Variants in BTBD9 observed in about 807,000 individuals in gnomAD.
The protein encoded by BTBD9 is BTB/POZ domain-containing protein 9.
A neutral mutation model predicts 64.3 loss-of-function variants in BTBD9; 49 were observed. The ratio of observed to expected loss-of-function variants is 0.76; its 90% CI spans 0.61 to 0.97. The LOEUF (loss-of-function observed/expected upper bound fraction) is 0.97. Ranked by LOEUF, BTBD9 falls within the 50% of genes least tolerant of loss-of-function variation. The pLI is 0.00. For synonymous variants in BTBD9, 260 were observed against 274.7 expected (o/e 0.95, Z 0.53); for missense variants, 598 against 762.1 (o/e 0.78, Z 2.53).
chr6:38,232,396 G>C (rs1763639396), intron 9 of BTBD9, among the ~76,000 whole-genome samples: 1 of 151,886 alleles, frequency 6.6e-6, no homozygotes, highest in African/African-American at 2.4e-5. Flanking sequence ...TCAGCTTCCT[G>C]AGTAGCTGGG....
chr6:38,322,383 G>A (rs1258004178), intron 7 of BTBD9, among the ~76,000 whole-genome samples: 2 of 152,064 alleles, frequency 1.3e-5, no homozygotes, highest in African/African-American at 4.8e-5. Flanking sequence ...TGTCAGCTGT[G>A]ACTTACCTAA....
At chr6:38,547,562 T>C (rs532831783) in intron 6 of BTBD9, among the ~76,000 whole-genome samples, 3 of 152,348 alleles carry the variant, frequency 2.0e-5, no homozygotes, top group East Asian at 3.9e-4. Context: ...TCCATCCACA[T>C]TGTCCAACCT....
At chr6:38,399,095 A>G (rs1766817077) in intron 6 of BTBD9, among the ~76,000 whole-genome samples, 1 of 152,236 alleles carries the variant, frequency 6.6e-6, no homozygotes, top group Non-Finnish European at 1.5e-5. Flanking sequence ...AACACTTTGT[A>G]AAAACACTGA....
chr6:38,262,283 G>T (rs749105158), intron 8 of BTBD9, among the ~76,000 whole-genome samples: 1 of 152,182 alleles, frequency 6.6e-6, no homozygotes, highest in Non-Finnish European at 1.5e-5. Flanking sequence ...ATTTTCAAAA[G>T]GGGCTGAATA....
chr6:38,291,680 T>C (rs1761963710), intron 7 of BTBD9, among the ~76,000 whole-genome samples: 1 of 152,188 alleles, frequency 6.6e-6, no homozygotes, highest in African/African-American at 2.4e-5. Context: ...AATACCTAGT[T>C]TACTGAGAGT....
intron 6 of BTBD9, among the ~76,000 whole-genome samples, chr6:38,414,503 C>A (rs1433049001): frequency 6.6e-6 from 1 of 152,128 alleles, no homozygotes; most frequent in Non-Finnish European, 1.5e-5. Context: ...AACAGAAAGA[C>A]CCTTTTCTCC....
At chr6:38,600,685 G>T (rs1330780491) in intron 1 of BTBD9, among the ~76,000 whole-genome samples, 1 of 151,914 alleles carries the variant, frequency 6.6e-6, no homozygotes. Context: ...TTTTATTGAG[G>T]TCATGGCTAA....
At chr6:38,483,672 A>G (rs1359330737) in intron 6 of BTBD9, among the ~76,000 whole-genome samples, 1 of 152,184 alleles carries the variant, frequency 6.6e-6, no homozygotes, top group Non-Finnish European at 1.5e-5. Flanking sequence ...ACCAGATTTC[A>G]GAAACACATG....
intron 9 of BTBD9, among the ~76,000 whole-genome samples, chr6:38,220,199 C>T (rs756760432): frequency 6.6e-6 from 1 of 152,156 alleles, no homozygotes; most frequent in African/African-American, 2.4e-5. Flanking sequence ...CCTCTCAGGG[C>T]ACGGCCCCAC....
intron 6 of BTBD9, among the ~76,000 whole-genome samples, chr6:38,418,068 TC>T (rs57625441): frequency 0.44 from 66,597 of 151,926 alleles, 14,625 homozygotes; most frequent in Non-Finnish European, 0.46. Flanking sequence ...AATGCTTTTT[TC>T]TATCATCATT....
At chr6:38,413,332 C>T (rs2745379) in intron 6 of BTBD9, among the ~76,000 whole-genome samples, 72,822 of 151,962 alleles carry the variant, frequency 0.48, 17,808 homozygotes, top group African/African-American at 0.58. Context: ...GCAGCGGGGG[C>T]TGTGGATCTG....
At chr6:38,486,477 A>G (rs563521631) in intron 6 of BTBD9, among the ~76,000 whole-genome samples, 3 of 152,320 alleles carry the variant, frequency 2.0e-5, no homozygotes, top group South Asian at 2.1e-4. Flanking sequence ...TTCAACACTT[A>G]AAGAGACTAC....
chr6:38,171,419 A>G lies in BTBD9; in HGVS notation c.*3566T>C, dbSNP rs1206988726. 1.3e-5 allele frequency: 2 copies of G among 152,160 alleles called. No homozygotes were observed. Among genetic ancestry groups the G allele is most frequent in the Non-Finnish European group, 2.9e-5 (2 of 68,034 alleles). The allele number at this position is 152,160 out of a possible 1,614,324, so 9.4% of individuals were successfully genotyped here. A position where few individuals can be genotyped will look rare whatever the true frequency, so the allele number is the denominator to read the frequency against. Reference sequence around the variant, plus strand: ...CTTTTAATGTATTTGTCAGGAATCGACACTTCATTTAATAGGATTTAAAAA... The same window carrying G: ...CTTTTAATGTATTTGTCAGGAATCGGCACTTCATTTAATAGGATTTAAAAA... On this transcript the variant is annotated 3_prime_UTR_variant, in exon 11 of 11. Coordinates refer to ENST00000481247, the MANE Select transcript of BTBD9 (RefSeq NM_001099272.2).
At chr6:38,496,646 C>T (rs1771972414) in intron 6 of BTBD9, among the ~76,000 whole-genome samples, 1 of 149,006 alleles carries the variant, frequency 6.7e-6, no homozygotes, top group East Asian at 2.0e-4. Context: ...AGAGCAAGAC[C>T]CTGTCTCTTA....
At chr6:38,254,590 T>C (rs946015978) in intron 9 of BTBD9, among the ~76,000 whole-genome samples, 20 of 152,138 alleles carry the variant, frequency 1.3e-4, no homozygotes, top group Non-Finnish European at 2.9e-5. Flanking sequence ...TAAGCCTTGA[T>C]TGCACCACTG....
In BTBD9 at chr6:38,172,162, G is replaced by A. The variant is rs9470806; in HGVS notation, c.*2823C>T. 91,458 of 151,976 alleles carry A rather than the reference G, an allele frequency of 0.6. 29,262 individuals are homozygous for A. Among genetic ancestry groups the A allele is most frequent in the Non-Finnish European group, 0.73 (49,895 of 68,020 alleles). 9.4% of individuals were successfully genotyped at this position (151,976 alleles called of 1,614,324 possible). A position where few individuals can be genotyped will look rare whatever the true frequency, so the allele number is the denominator to read the frequency against. ...TGGCCATGTCTCCTTCACAACCCCC[G>A]CTCCCCACGGACTGAGCCTCCACTC... On this transcript the variant is annotated 3_prime_UTR_variant, in exon 11 of 11. Coordinates refer to ENST00000481247, the MANE Select transcript of BTBD9 (RefSeq NM_001099272.2).
chr6:38,256,580 G>T, intron 8 of BTBD9, 64 bp from the exon 9 acceptor site: 1 of 1,182,226 alleles, frequency 8.5e-7, no homozygotes, highest in Non-Finnish European at 1.2e-6. Context: ...TTTAGGTTGT[G>T]GGCATATCCC....
At chr6:38,304,965 A>G (rs1201814337) in intron 7 of BTBD9, among the ~76,000 whole-genome samples, 1 of 152,096 alleles carries the variant, frequency 6.6e-6, no homozygotes, top group African/African-American at 2.4e-5. Context: ...TGTGAGTTTC[A>G]TAAGGGCAGG....
At chr6:38,624,636 A>G (rs1778110265) in intron 1 of BTBD9, among the ~76,000 whole-genome samples, 2 of 152,224 alleles carry the variant, frequency 1.3e-5, no homozygotes, top group South Asian at 4.2e-4. Context: ...TACATTATGC[A>G]ACAGAATGGT....
Sources: allele counts gnomAD v4.1 joint callset (sites outside exome capture counted in the v4.1 genomes callset), GRCh38; gene constraint gnomAD v4.1.1; transcripts MANE v1.5; gene names NCBI Gene and HGNC (gene_info 2026-07-23, HGNC 2026-07-21).